The following GOT2 variants were observed in gnomAD, a reference collection of about 807,000 sequenced individuals.
GOT2 encodes glutamic-oxaloacetic transaminase 2.
A neutral mutation model predicts 50.0 loss-of-function variants in GOT2; 17 were observed. The observed-to-expected ratio is 0.34, with a 90% confidence interval of 0.23 to 0.51. The LOEUF is 0.51. Ranked by LOEUF, GOT2 falls within the 20% of genes least tolerant of loss-of-function variation. The pLI is 0.97. For missense variants in GOT2, 430 were observed against 559.6 expected (o/e 0.77, Z 2.34); for synonymous variants, 172 against 204.9 (o/e 0.84, Z 1.37).
chr16:58,708,147 C>T lies in GOT2; in HGVS notation c.*24G>A, dbSNP rs2044617749. 6.2e-7 allele frequency: 1 copy of T among 1,611,022 alleles called. No homozygotes were observed. Among genetic ancestry groups the T allele is most frequent in the Admixed American group, 1.7e-5 (1 of 59,726 alleles). Reference sequence around the variant, plus strand: ...CAGAGGCTGAAGACAGAAAGGTTGTCTCTGTTTCCTCGCACCAGGGACATT... The same window carrying T: ...CAGAGGCTGAAGACAGAAAGGTTGTTTCTGTTTCCTCGCACCAGGGACATT... On this transcript the variant is annotated 3_prime_UTR_variant, in exon 10 of 10. Transcript: ENST00000245206.
intron 1 of GOT2, among the ~76,000 whole-genome samples, chr16:58,731,123 C>T (rs1049858740): frequency 6.6e-6 from 1 of 152,090 alleles, no homozygotes; most frequent in Non-Finnish European, 1.5e-5. Context: ...ATGGCAGAGA[C>T]AATAGCACAG....
intron 8 of GOT2, among the ~76,000 whole-genome samples, chr16:58,710,390 T>TCC (rs959048685): frequency 6.7e-6 from 1 of 150,194 alleles, no homozygotes; most frequent in Non-Finnish European, 1.5e-5. Flanking sequence ...TTGCTAATTT[T>TCC]CTTTTCTTTT....
At chr16:58,709,748 T>C (rs1011169509) in intron 8 of GOT2, among the ~76,000 whole-genome samples, 181 bp from the exon 9 acceptor site, 1 of 152,226 alleles carries the variant, frequency 6.6e-6, no homozygotes, top group Non-Finnish European at 1.5e-5. Flanking sequence ...CTGTTTTATA[T>C]TGGAACACTA....
At chr16:58,712,638 C>T (rs1228793062) in intron 8 of GOT2, among the ~76,000 whole-genome samples, 2 of 152,162 alleles carry the variant, frequency 1.3e-5, no homozygotes, top group Non-Finnish European at 2.9e-5. Flanking sequence ...TTGTCTACTA[C>T]AGACTCTCAA....
At chr16:58,728,691 T>C (rs2044807161) in intron 1 of GOT2, among the ~76,000 whole-genome samples, 1 of 151,974 alleles carries the variant, frequency 6.6e-6, no homozygotes, top group African/African-American at 2.4e-5. Context: ...TCTGCTTTTC[T>C]TTTTTTTGAG....
In GOT2 at chr16:58,718,519, A is replaced by G. The variant is rs1013043480; in HGVS notation, c.597+8T>C. Reference sequence around the variant, plus strand: ...ATTCACCTCTCTCACCCTGAAAGCCACACTTACTGAAATATCCTCCACAGC... The same window carrying G: ...ATTCACCTCTCTCACCCTGAAAGCCGCACTTACTGAAATATCCTCCACAGC... On this transcript the variant is annotated splice_region_variant and intron_variant, in intron 5 of 9. Coordinates refer to ENST00000245206, the MANE Select transcript of GOT2 (RefSeq NM_002080.4). 1 of 1,566,486 alleles carries G rather than the reference A, an allele frequency of 6.4e-7. No individual in the cohort carries two copies. The highest frequency in any genetic ancestry group is 8.6e-7 in the Non-Finnish European group (1 of 1,157,382).
chr16:58,718,375 T>C, intron 5 of GOT2, 75 bp from the exon 6 acceptor site: 1 of 1,392,368 alleles, frequency 7.2e-7, no homozygotes, highest in Non-Finnish European at 1.0e-6. Flanking sequence ...CACAGGATCG[T>C]CATCATTTGA....
intron 1 of GOT2, among the ~76,000 whole-genome samples, chr16:58,725,704 G>A (rs1171126134): frequency 1.3e-5 from 2 of 152,192 alleles, no homozygotes; most frequent in African/African-American, 2.4e-5. Flanking sequence ...GTGTGTTCAC[G>A]AGTTTTGCCA....
chr16:58,709,330 T>C (rs906729043), intron 9 of GOT2, 87 bp downstream of exon 9: 2 of 1,144,594 alleles, frequency 1.7e-6, no homozygotes, highest in Non-Finnish European at 1.2e-6. Context: ...AAACATTAAA[T>C]AAAAAAGAAA....
chr16:58,721,693 T>C (rs1242413936), intron 3 of GOT2: 1 of 152,526 alleles, frequency 6.6e-6, no homozygotes, highest in Non-Finnish European at 1.5e-5. Flanking sequence ...GATGGCAATT[T>C]ACTATCAAAT....
chr16:58,716,916 A>G (rs2044699996), intron 6 of GOT2, 103 bp from the exon 7 acceptor site: 2 of 969,334 alleles, frequency 2.1e-6, no homozygotes, highest in South Asian at 3.1e-5. Flanking sequence ...CATGGTCCCA[A>G]TAAGCACAAT....
intron 3 of GOT2, 122 bp from the exon 4 acceptor site, chr16:58,719,377 T>C (rs566176339): frequency 3.1e-6 from 2 of 645,340 alleles, no homozygotes; most frequent in Non-Finnish European, 5.7e-6. Context: ...GGCCTGTCAG[T>C]ATCATTTCAT....
At chr16:58,731,224 C>T (rs1027455596) in intron 1 of GOT2, among the ~76,000 whole-genome samples, 1 of 152,068 alleles carries the variant, frequency 6.6e-6, no homozygotes, top group East Asian at 1.9e-4. Context: ...CAACTCTTCA[C>T]CTCTCAAGCG....
intron 9 of GOT2, chr16:58,709,192 G>C (rs1210632568): frequency 2.4e-6 from 1 of 410,306 alleles, no homozygotes; most frequent in Non-Finnish European, 4.4e-6. Context: ...AGCCCTGGGA[G>C]GTGGAGGTTG....
intron 8 of GOT2, among the ~76,000 whole-genome samples, chr16:58,709,775 G>A (rs2044631475): frequency 6.6e-6 from 1 of 152,178 alleles, no homozygotes. Context: ...TAAGGCAACT[G>A]AAGCAGTTAA....
chr16:58,718,309 A>T lies in GOT2; in HGVS notation c.598-9T>A, dbSNP rs2044711666. The T allele has an allele frequency of 1.2e-6, 2 of 1,602,778 alleles. No homozygotes were observed. Among genetic ancestry groups the T allele is most frequent in the Non-Finnish European group, 1.7e-6 (2 of 1,169,826 alleles). ...CTCTGCTCTGGTATTTTCTAAAGAGAAAAACAGCCAAGAGACGACTTTGCA... is the reference window on the plus strand; with the variant it reads ...CTCTGCTCTGGTATTTTCTAAAGAGTAAAACAGCCAAGAGACGACTTTGCA... On this transcript the variant is annotated splice_polypyrimidine_tract_variant and intron_variant, in intron 5 of 9. Transcript: ENST00000245206.
intron 8 of GOT2, among the ~76,000 whole-genome samples, chr16:58,710,093 T>G (rs1230011700): frequency 1.3e-5 from 2 of 152,214 alleles, no homozygotes; most frequent in Non-Finnish European, 2.9e-5. Flanking sequence ...AGATGGGGTT[T>G]TGCCATGTTG....
chr16:58,733,964 G>A lies in GOT2; in HGVS notation c.89+176C>T, dbSNP rs13330819. 1.5e-3 allele frequency: 613 copies of A among 401,202 alleles called. 7 individuals carry two copies. Among genetic ancestry groups the A allele is most frequent in the African/African-American group, 0.012 (569 of 48,814 alleles). The allele number at this position is 401,202 out of a possible 1,614,324, so 24.9% of individuals were successfully genotyped here. On this transcript the variant is annotated intron_variant, in intron 1 of 9. Coordinates refer to ENST00000245206, the MANE Select transcript of GOT2 (RefSeq NM_002080.4). Reference sequence around the variant, plus strand: ...CTGAGGATCACTGTGGGGCACGGACGCTCAATCCTCAGTCCCCAGTAAGGG... The same window carrying A: ...CTGAGGATCACTGTGGGGCACGGACACTCAATCCTCAGTCCCCAGTAAGGG...
chr16:58,730,877 G>A (rs951769121), intron 1 of GOT2, among the ~76,000 whole-genome samples: 4 of 152,168 alleles, frequency 2.6e-5, no homozygotes, highest in African/African-American at 7.2e-5. Context: ...ATTTCTATCA[G>A]TACATTTTGG....
Sources: allele counts gnomAD v4.1 joint callset (sites outside exome capture counted in the v4.1 genomes callset), GRCh38; gene constraint gnomAD v4.1.1; transcripts MANE v1.5; gene names NCBI Gene and HGNC (gene_info 2026-07-23, HGNC 2026-07-21).